Variants in USP33 observed in about 807,000 individuals in gnomAD.
The protein encoded by USP33 is ubiquitin specific peptidase 33, also known as ubiquitin carboxyl-terminal hydrolase 33.
Under a neutral mutation model 124.2 loss-of-function variants are expected in USP33, and 46 were observed. That is an observed-to-expected ratio of 0.37 (90% confidence interval 0.29 to 0.47). The LOEUF is 0.47. Ranked by LOEUF, USP33 falls within the 20% of genes least tolerant of loss-of-function variation. USP33 has a pLI of 0.99. For missense variants in USP33, 851 were observed against 1,070.6 expected, an observed-to-expected ratio of 0.79 and a Z score of 2.86; for synonymous variants, 350 against 352.3, an observed-to-expected ratio of 0.99 and a Z score of 0.07.
chr1:77,726,867 T>C (rs777757695), intron 10 of USP33, among the ~76,000 whole-genome samples: 2 of 151,722 alleles, frequency 1.3e-5, no homozygotes, highest in Admixed American at 6.6e-5. Flanking sequence ...ATCAAGAAAA[T>C]ATAAGAGCTA....
chr1:77,731,495 G>A (rs999026905), intron 7 of USP33, among the ~76,000 whole-genome samples: 1 of 151,982 alleles, frequency 6.6e-6, no homozygotes, highest in Admixed American at 6.6e-5. Flanking sequence ...CTCCTATGAA[G>A]GCAGTTAGAT....
chr1:77,743,971 A>T (rs541747868), intron 1 of USP33, among the ~76,000 whole-genome samples: 2 of 152,196 alleles, frequency 1.3e-5, no homozygotes, highest in East Asian at 3.9e-4. Context: ...TAAGAATACA[A>T]ACATTAGCTG....
chr1:77,713,743 G>A (rs1675553826), intron 19 of USP33, among the ~76,000 whole-genome samples: 1 of 151,956 alleles, frequency 6.6e-6, no homozygotes, highest in African/African-American at 2.4e-5. Flanking sequence ...CTGGAGTGCA[G>A]CAGCATGACC....
At chr1:77,725,882 T>A in intron 10 of USP33, 120 bp from the exon 11 acceptor site, 2 of 979,018 alleles carry the variant, frequency 2.0e-6, no homozygotes, top group Non-Finnish European at 1.4e-6. Flanking sequence ...AATGTCAAGT[T>A]AAATACTTAA....
At chr1:77,721,345 A>G in intron 14 of USP33, 140 bp from the exon 15 acceptor site, 1 of 818,320 alleles carries the variant, frequency 1.2e-6, no homozygotes, top group East Asian at 2.6e-5. Flanking sequence ...TATGCTCATG[A>G]ATCAGGTTAC....
chr1:77,729,797 A>C, intron 9 of USP33, 63 bp downstream of exon 9: 1 of 1,545,128 alleles, frequency 6.5e-7, no homozygotes, highest in Non-Finnish European at 8.9e-7. Flanking sequence ...ACCCAAAAAA[A>C]ACATAATGGC....
chr1:77,730,531 G>T, intron 8 of USP33, 87 bp downstream of exon 8: 3 of 985,858 alleles, frequency 3.0e-6, no homozygotes, highest in East Asian at 3.0e-5. Context: ...CTTTTTTCCG[G>T]CTCCATAAAT....
chr1:77,738,481 T>G (rs974407300), intron 5 of USP33, among the ~76,000 whole-genome samples: 11 of 152,198 alleles, frequency 7.2e-5, no homozygotes, highest in Non-Finnish European at 1.5e-4. Flanking sequence ...AGAAAAATCT[T>G]TTTTTCTTTT....
Position 77,713,620 on chromosome 1 carries a change from C to T in USP33, c.2216-339G>A, listed in dbSNP as rs560718065. ...TTATGTTGCCCAGGCTGGTCTCAAA[C>T]TCATGACCTCAAGTGATCCTCCTGC... On this transcript the variant is annotated intron_variant, in intron 19 of 23. Coordinates refer to ENST00000370794, the MANE Select transcript of USP33 (RefSeq NM_201624.3). The T allele has an allele frequency of 1.6e-5, 3 of 190,774 alleles. No homozygotes were observed. The South Asian group carries it at 2.7e-4, about 17-fold the overall frequency. The allele number at this position is 190,774 out of a possible 1,614,324, so 11.8% of individuals were successfully genotyped here. A position where few individuals can be genotyped will look rare whatever the true frequency, so the allele number is the denominator to read the frequency against.
rs189000546 is a variant in USP33, at chr1:77,708,620, A to T, written c.2406+3127T>A. Among the ~76,000 whole-genome samples the T allele has an allele frequency of 5.9e-5, 9 of 152,368 alleles. No homozygotes were observed. In the East Asian group the frequency reaches 1.7e-3, roughly 29 times the overall value. Reference sequence around the variant, plus strand: ...AACTCTGAAGCAATCTGAAACTTATAGGAAAACTCCAAGTATACAAAGAAA... The same window carrying T: ...AACTCTGAAGCAATCTGAAACTTATTGGAAAACTCCAAGTATACAAAGAAA... On this transcript the variant is annotated intron_variant, in intron 21 of 23. Transcript: ENST00000370794.
In USP33 at chr1:77,721,856, G is replaced by A. The variant is rs951859975; in HGVS notation, c.1632C>T (p.Ala544=). 1.9e-6 allele frequency: 3 copies of A among 1,608,482 alleles called. No individual in the cohort carries two copies. Among genetic ancestry groups the A allele is most frequent in the South Asian group, 1.1e-5 (1 of 89,400 alleles). ...PVVTLQDCLA[A]FFARDELKGD... ...CTTTTAGTTCATCTCTGGCAAAGAA[G>A]GCAGCAAGACAATCTTGCAAGGTTA... Residue 544 remains alanine, a synonymous_variant, in exon 14 of 24, where the codon GCC becomes GCT. Coordinates refer to ENST00000370794, the MANE Select transcript of USP33 (RefSeq NM_201624.3).
At chr1:77,724,487 A>G (rs907941560) in intron 11 of USP33, among the ~76,000 whole-genome samples, 1 of 152,158 alleles carries the variant, frequency 6.6e-6, no homozygotes, top group East Asian at 1.9e-4. Context: ...GTTTTCTTCT[A>G]AGAAAACATA....
At chr1:77,738,908 G>A (rs995773807) in intron 5 of USP33, among the ~76,000 whole-genome samples, 1 of 152,144 alleles carries the variant, frequency 6.6e-6, no homozygotes, top group African/African-American at 2.4e-5. Flanking sequence ...ACGGGGAAGA[G>A]AGCTGAATTA....
chr1:77,749,820 G>A (rs1053996508), intron 1 of USP33, among the ~76,000 whole-genome samples: 8 of 151,950 alleles, frequency 5.3e-5, no homozygotes, highest in African/African-American at 1.9e-4. Flanking sequence ...TGCTTTTTAG[G>A]CAATACTATT....
At chr1:77,724,595 C>A (rs1299403761) in intron 11 of USP33, among the ~76,000 whole-genome samples, 1 of 152,094 alleles carries the variant, frequency 6.6e-6, no homozygotes, top group Non-Finnish European at 1.5e-5. Flanking sequence ...ATTAAACAAA[C>A]ATAAAACCCA....
At position 77,717,904 on chromosome 1, in the gene USP33, A is replaced by T; in HGVS notation, c.1881T>A (p.Asp627Glu). ...KDSPAQIVTY[D>E]LLSVICHHGT... is the part of the protein sequence containing the mutation. ...CATGATGGCAAATGACTGACAGAAG[A>T]TCATATGTCACAATTTGAGCTGGAC... The change falls in exon 17 of 24, where the codon GAT (aspartate) becomes GAA (glutamate). Residue 627 changes from aspartate to glutamate, a missense_variant. Around this residue, in one of 4 missense-constraint regions of USP33, gnomAD observed 281 missense variants for 425.0 expected, o/e 0.66. Coordinates refer to ENST00000370794, the MANE Select transcript of USP33 (RefSeq NM_201624.3). 1 of 1,613,098 alleles carries T rather than the reference A, an allele frequency of 6.2e-7. No individual in the cohort carries two copies.
chr1:77,752,253 T>C lies in USP33; in HGVS notation c.-52+7390A>G, dbSNP rs542173532. On this transcript the variant is annotated intron_variant, in intron 1 of 23. Coordinates refer to ENST00000370794, the MANE Select transcript of USP33 (RefSeq NM_201624.3). ...CCCAGGTTCAAGCAATTCTCATGCC[T>C]CAGTCACTTGAGTAGCTGGGATTAC... Among the ~76,000 whole-genome samples, 6 of 152,102 alleles carry C rather than the reference T, an allele frequency of 3.9e-5. No homozygotes were observed. In the South Asian group the frequency reaches 1.0e-3, roughly 26 times the overall value.
chr1:77,709,924 C>G (rs1675056372), intron 21 of USP33, among the ~76,000 whole-genome samples: 1 of 150,686 alleles, frequency 6.6e-6, no homozygotes, highest in Non-Finnish European at 1.5e-5. Flanking sequence ...TCCATATTTA[C>G]TCAGCTATTA....
At chr1:77,752,633 A>G (rs1205658797) in intron 1 of USP33, among the ~76,000 whole-genome samples, 2 of 152,262 alleles carry the variant, frequency 1.3e-5, no homozygotes, top group African/African-American at 4.8e-5. Flanking sequence ...TAAGATTAAT[A>G]TGAATGCAGG....
Sources: allele counts gnomAD v4.1 joint callset (sites outside exome capture counted in the v4.1 genomes callset), GRCh38; gene constraint gnomAD v4.1.1; regional missense constraint gnomAD v4.1.1; transcripts MANE v1.5; gene names NCBI Gene and HGNC (gene_info 2026-07-23, HGNC 2026-07-21).